Variants in ANO4 observed in about 807,000 individuals in gnomAD.
The protein encoded by ANO4 is anoctamin-4.
Under a neutral mutation model 141.9 loss-of-function variants are expected in ANO4, and 69 were observed. That is an observed-to-expected ratio of 0.49 (90% CI 0.40 to 0.59). The LOEUF (loss-of-function observed/expected upper bound fraction) is 0.59. ANO4 is among the 20% of genes least tolerant of loss of function. The pLI, the probability that ANO4 is intolerant of heterozygous loss-of-function variation, is 0.00. For missense variants in ANO4, 894 were observed against 1,162.2 expected, an observed-to-expected ratio of 0.77 and a Z score of 3.36; for synonymous variants, 350 against 394.3, an observed-to-expected ratio of 0.89 and a Z score of 1.33.
chr12:100,843,771 G>C (rs1212329796), intron 1 of ANO4, among the ~76,000 whole-genome samples: 1 of 152,188 alleles, frequency 6.6e-6, no homozygotes, highest in African/African-American at 2.4e-5. Context: ...CATGCTGATA[G>C]AGTGGAATGG....
intron 3 of ANO4, among the ~76,000 whole-genome samples, chr12:100,758,779 C>T (rs184676155): frequency 6.6e-6 from 1 of 152,312 alleles, no homozygotes; most frequent in Admixed American, 6.5e-5. Flanking sequence ...AGGCTCTGCT[C>T]TCTCTGAAGA....
intron 3 of ANO4, among the ~76,000 whole-genome samples, chr12:100,761,017 C>T (rs2135525369): frequency 1.3e-5 from 2 of 152,290 alleles, no homozygotes; most frequent in South Asian, 4.1e-4. Flanking sequence ...AGAGTTCTTT[C>T]TCTTGCCCCT....
intron 7 of ANO4, among the ~76,000 whole-genome samples, chr12:100,978,470 A>G (rs1414919335): frequency 6.6e-6 from 1 of 152,172 alleles, no homozygotes; most frequent in Non-Finnish European, 1.5e-5. Context: ...AGATACTTAA[A>G]CTTCTGCTTT....
intron 26 of ANO4, 132 bp downstream of exon 26, chr12:101,120,757 TA>T: frequency 1.5e-6 from 1 of 670,406 alleles, no homozygotes; most frequent in Non-Finnish European, 2.5e-6. Flanking sequence ...TCATATTATG[TA>T]ACCTCTTTTT....
At chr12:100,919,734 A>ATCTATCTATCTATCTATC (rs1294033859) in intron 2 of ANO4, among the ~76,000 whole-genome samples, 3,741 of 132,828 alleles carry the variant, frequency 0.028, 74 homozygotes, top group Non-Finnish European at 0.039. Flanking sequence ...GTGTGTATGT[A>ATCTATCTATCTATCTATC]TGTATCTATC....
chr12:101,128,150 G>T lies in ANO4; in HGVS notation c.*294G>T, dbSNP rs576077878. The T allele has an allele frequency of 6.5e-6, 1 of 152,720 alleles. No individual in the cohort carries two copies. Among genetic ancestry groups the T allele is most frequent in the East Asian group, 1.9e-4 (1 of 5,166 alleles). 9.5% of individuals were successfully genotyped at this position (152,720 alleles called of 1,614,324 possible). A position where few individuals can be genotyped will look rare whatever the true frequency, so the allele number is the denominator to read the frequency against. The stretch of plus-strand genomic sequence containing the variant: ...AAGTTTTTAAAATCAAGGGGAACTT[G>T]TATACTGGGCCTGTTTTTCAGCCTG... On this transcript the variant is annotated 3_prime_UTR_variant, in exon 28 of 28. Transcript: ENST00000392977.
At chr12:101,026,980 G>A (rs2046765721) in intron 9 of ANO4, among the ~76,000 whole-genome samples, 1 of 152,144 alleles carries the variant, frequency 6.6e-6, no homozygotes, top group South Asian at 2.1e-4. Flanking sequence ...GTGATCAGAG[G>A]CTCCCATCAA....
intron 22 of ANO4, among the ~76,000 whole-genome samples, chr12:101,104,668 TATAA>T (rs1210260958): frequency 0.015 from 882 of 58,748 alleles, 18 homozygotes; most frequent in African/African-American, 0.058. Flanking sequence ...TATATATATA[TATAA>T]ATAAAAAGAT....
At chr12:100,983,966 T>G (rs2044596786) in intron 7 of ANO4, among the ~76,000 whole-genome samples, 1 of 152,148 alleles carries the variant, frequency 6.6e-6, no homozygotes. Flanking sequence ...CGTAGTGAAG[T>G]GCACACAGCA....
chr12:100,889,418 G>C (rs187365222), intron 1 of ANO4, among the ~76,000 whole-genome samples: 1 of 152,074 alleles, frequency 6.6e-6, no homozygotes, highest in African/African-American at 2.4e-5. Flanking sequence ...GCTGGGTCAA[G>C]TGGTATTTCT....
rs771671366 is a variant in ANO4 at position 100,901,780 on chromosome 12, A to G, written c.-6A>G. ...CTCACTCCCACCAGGCAGAAGGTCA[A>G]TAAAAATGGAGGCAAGCTCTTCTGG... On this transcript the variant is annotated 5_prime_UTR_variant, in exon 2 of 28. Coordinates refer to ENST00000392977, the MANE Select transcript of ANO4 (RefSeq NM_001286615.2). 2.5e-6 allele frequency: 4 copies of G among 1,614,014 alleles called. No individual in the cohort carries two copies. Among genetic ancestry groups the G allele is most frequent in the South Asian group, 1.1e-5 (1 of 91,076 alleles).
chr12:100,872,681 C>T (rs192880819), intron 1 of ANO4, among the ~76,000 whole-genome samples: 43 of 152,230 alleles, frequency 2.8e-4, no homozygotes, highest in African/African-American at 7.0e-4. Flanking sequence ...CTTTATATTT[C>T]GGCAGCTATA....
At chr12:100,752,701 G>A (rs1183639311) in intron 3 of ANO4, among the ~76,000 whole-genome samples, 1 of 152,096 alleles carries the variant, frequency 6.6e-6, no homozygotes, top group African/African-American at 2.4e-5. Flanking sequence ...GGTGCCTATG[G>A]CAATGAGACT....
chr12:100,753,528 C>A (rs890018933), intron 3 of ANO4, among the ~76,000 whole-genome samples: 1 of 152,154 alleles, frequency 6.6e-6, no homozygotes, highest in Admixed American at 6.5e-5. Flanking sequence ...CCCTCTCTTC[C>A]TCAGTGTACA....
intron 13 of ANO4, among the ~76,000 whole-genome samples, chr12:101,046,931 A>G (rs1294691677): frequency 6.6e-6 from 1 of 152,206 alleles, no homozygotes; most frequent in Non-Finnish European, 1.5e-5. Flanking sequence ...GGTGCAAGCT[A>G]CACTTTCTAG....
At chr12:100,946,285 C>T (rs1481097144) in intron 5 of ANO4, among the ~76,000 whole-genome samples, 1 of 152,144 alleles carries the variant, frequency 6.6e-6, no homozygotes, top group African/African-American at 2.4e-5. Flanking sequence ...GAGATTTGAG[C>T]AGAAATATAA....
At chr12:101,049,547 A>G (rs2047774049) in intron 14 of ANO4, among the ~76,000 whole-genome samples, 1 of 150,920 alleles carries the variant, frequency 6.6e-6, no homozygotes, top group Non-Finnish European at 1.5e-5. Context: ...GGGTGGGTCA[A>G]TGGATAGATA....
chr12:100,742,172 A>G (rs2031896987), intron 3 of ANO4, among the ~76,000 whole-genome samples: 1 of 152,272 alleles, frequency 6.6e-6, no homozygotes, highest in Non-Finnish European at 1.5e-5. Flanking sequence ...ATCCAAATAT[A>G]TACTACACAA....
intron 1 of ANO4, among the ~76,000 whole-genome samples, chr12:100,859,568 C>T (rs372920218): frequency 3.9e-5 from 6 of 152,050 alleles, no homozygotes; most frequent in South Asian, 2.1e-4. Flanking sequence ...ATAATTCCTC[C>T]GATACATGGA....
Sources: allele counts gnomAD v4.1 joint callset (sites outside exome capture counted in the v4.1 genomes callset), GRCh38; gene constraint gnomAD v4.1.1; transcripts MANE v1.5; gene names NCBI Gene and HGNC (gene_info 2026-07-23, HGNC 2026-07-21).